The following PTPRT variants were observed in gnomAD, a reference collection of about 807,000 sequenced individuals.
The protein encoded by PTPRT is protein tyrosine phosphatase receptor type T.
PTPRT carries 56 observed loss-of-function variants against 176.8 expected under a neutral mutation model. The ratio of observed to expected loss-of-function variants is 0.32; its 90% CI spans 0.26 to 0.40. The LOEUF is 0.40. PTPRT is among the 10% of genes least tolerant of loss of function. The pLI, the probability that PTPRT is intolerant of heterozygous loss-of-function variation, is 1.00. For synonymous variants in PTPRT, 783 were observed against 739.0 expected (o/e 1.06, Z -0.96); for missense variants, 1,540 against 1,908.2 (o/e 0.81, Z 3.60).
intron 13 of PTPRT, among the ~76,000 whole-genome samples, chr20:42,272,942 CATG>C (rs1568728392): frequency 6.6e-6 from 1 of 152,214 alleles, no homozygotes; most frequent in Non-Finnish European, 1.5e-5. Context: ...CCTTGTTCGA[CATG>C]ATAATTGTTA....
intron 7 of PTPRT, among the ~76,000 whole-genome samples, chr20:42,506,968 G>T (rs1331820680): frequency 1.3e-5 from 2 of 152,112 alleles, no homozygotes; most frequent in African/African-American, 4.8e-5. Context: ...GTTCAAGGCA[G>T]TAGAAAGAGC....
At chr20:42,764,026 A>G (rs1006079525) in intron 5 of PTPRT, among the ~76,000 whole-genome samples, 2 of 152,224 alleles carry the variant, frequency 1.3e-5, no homozygotes, top group East Asian at 3.8e-4. Flanking sequence ...GTCTTCTGCC[A>G]GCATCTATGA....
At chr20:43,085,466 T>TTGTATTAGTC (rs1186844805) in intron 1 of PTPRT, among the ~76,000 whole-genome samples, 1 of 152,168 alleles carries the variant, frequency 6.6e-6, no homozygotes, top group Non-Finnish European at 1.5e-5. Context: ...GTGAAAAGCA[T>TTGTATTAGTC]TGTATTAGTC....
intron 12 of PTPRT, among the ~76,000 whole-genome samples, chr20:42,302,263 T>C (rs551154561): frequency 1.3e-5 from 2 of 152,280 alleles, no homozygotes; most frequent in African/African-American, 4.8e-5. Context: ...TTCTTTTCCC[T>C]GTTTTCAACA....
intron 1 of PTPRT, among the ~76,000 whole-genome samples, chr20:43,058,250 GAA>G (rs1987320368): frequency 6.6e-6 from 1 of 152,090 alleles, no homozygotes; most frequent in Non-Finnish European, 1.5e-5. Context: ...CACAGAGAGA[GAA>G]ATGAGACAGA....
At chr20:43,052,931 C>A (rs1987102374) in intron 1 of PTPRT, among the ~76,000 whole-genome samples, 1 of 151,966 alleles carries the variant, frequency 6.6e-6, no homozygotes, top group Admixed American at 6.6e-5. Context: ...AGGTATAGAC[C>A]CCAAAGATGT....
intron 9 of PTPRT, among the ~76,000 whole-genome samples, chr20:42,446,621 T>TGTGTGTGA (rs1491165117): frequency 0.023 from 3,020 of 129,884 alleles, 54 homozygotes; most frequent in East Asian, 0.097. Context: ...TGTGTGTGTG[T>TGTGTGTGA]GAGAGAGAGA....
chr20:42,424,762 C>T (rs995628252), intron 9 of PTPRT, among the ~76,000 whole-genome samples: 2 of 150,752 alleles, frequency 1.3e-5, no homozygotes, highest in African/African-American at 4.9e-5. Flanking sequence ...GATGAGAACA[C>T]AAATATAAAA....
At chr20:42,067,623 G>T in the PTPRT span, among the ~76,000 whole-genome samples, 1 of 152,150 alleles carries the variant, frequency 6.6e-6, no homozygotes, top group Non-Finnish European at 1.5e-5. Context: ...AATATGAGAT[G>T]GCAGGACTCC....
At chr20:42,822,028 T>C (rs768892822) in intron 2 of PTPRT, among the ~76,000 whole-genome samples, 5 of 152,112 alleles carry the variant, frequency 3.3e-5, no homozygotes, top group Non-Finnish European at 7.4e-5. Flanking sequence ...CAAACTACCA[T>C]TGACATTACT....
At chr20:42,311,503 T>C (rs1459501797) in intron 12 of PTPRT, among the ~76,000 whole-genome samples, 2 of 152,188 alleles carry the variant, frequency 1.3e-5, no homozygotes, top group Non-Finnish European at 2.9e-5. Flanking sequence ...AGTAAATTAT[T>C]CCACCTGGCT....
chr20:42,308,603 A>C lies in PTPRT; in HGVS notation c.2139+7120T>G, dbSNP rs74487449. On this transcript the variant is annotated intron_variant, in intron 12 of 30. Transcript: ENST00000373187. ...AACTGTAATGCGATAAGATACTTTA[A>C]TATACATTGTCTAATTTACTCTCTC... 2.4e-3 allele frequency among the ~76,000 whole-genome samples: 367 copies of C among 152,310 alleles called. 1 individual carries two copies. The highest frequency in any genetic ancestry group is 8.4e-3 in the African/African-American group (351 of 41,582).
chr20:42,138,268 C>T (rs1988462933), intron 18 of PTPRT, among the ~76,000 whole-genome samples: 1 of 152,232 alleles, frequency 6.6e-6, no homozygotes, highest in African/African-American at 2.4e-5. Context: ...ATGGAAAGCA[C>T]AGGCAGAAGA....
chr20:42,615,025 T>G (rs555639543), intron 7 of PTPRT, among the ~76,000 whole-genome samples: 1 of 141,918 alleles, frequency 7.0e-6, no homozygotes, highest in African/African-American at 2.7e-5. Flanking sequence ...CATGCTGGTG[T>G]GCTGCACCCA....
At chr20:42,460,627 G>A (rs1378919856) in intron 8 of PTPRT, among the ~76,000 whole-genome samples, 1 of 152,088 alleles carries the variant, frequency 6.6e-6, no homozygotes, top group Non-Finnish European at 1.5e-5. Context: ...TAATTCATGG[G>A]GGCCATTTCT....
At chr20:43,026,045 T>A (rs1985896273) in intron 1 of PTPRT, among the ~76,000 whole-genome samples, 1 of 152,072 alleles carries the variant, frequency 6.6e-6, no homozygotes, top group Non-Finnish European at 1.5e-5. Flanking sequence ...TGGCCCCCCC[T>A]CCAAAATTCA....
chr20:42,324,015 A>T lies in PTPRT; in HGVS notation c.1866-8019T>A, dbSNP rs1248197895. 2.0e-5 allele frequency among the ~76,000 whole-genome samples: 3 copies of T among 152,286 alleles called. No homozygotes were observed. In the East Asian group the frequency reaches 5.8e-4, roughly 29 times the overall value. On this transcript the variant is annotated intron_variant, in intron 11 of 30. Coordinates refer to ENST00000373187, the MANE Select transcript of PTPRT (RefSeq NM_007050.6). ...CCATTCATCTAGTTATTCCATTTCT[A>T]CCTATCTATCCAAAAGAAATAAGAC... is the stretch of plus-strand genomic sequence containing the variant.
intron 1 of PTPRT, among the ~76,000 whole-genome samples, chr20:43,159,209 A>T (rs2014615162): frequency 6.6e-6 from 1 of 152,196 alleles, no homozygotes; most frequent in African/African-American, 2.4e-5. Context: ...CTCCCACCTG[A>T]GGGGTGAGGG....
chr20:42,149,901 T>TA (rs1242759299), intron 17 of PTPRT, among the ~76,000 whole-genome samples: 1 of 152,148 alleles, frequency 6.6e-6, no homozygotes, highest in Non-Finnish European at 1.5e-5. Flanking sequence ...CCCACCCTCC[T>TA]ATCCACAGAG....
Sources: gnomAD v4.1 joint callset for allele counts (sites outside exome capture counted in the v4.1 genomes callset) on GRCh38, gnomAD v4.1.1 for gene constraint, MANE v1.5 for transcripts, NCBI Gene and HGNC (gene_info 2026-07-23, HGNC 2026-07-21) for gene names.